The following CPSF3 variants were observed in gnomAD, a reference collection of about 807,000 sequenced individuals.
CPSF3 encodes the protein cleavage and polyadenylation specificity factor subunit 3.
Under a neutral mutation model 84.1 loss-of-function variants are expected in CPSF3, and 57 were observed. The observed-to-expected ratio is 0.68, with a 90% CI of 0.55 to 0.85. The LOEUF is 0.85. CPSF3 is among the 40% of genes least tolerant of loss of function. The pLI, the probability that CPSF3 is intolerant of heterozygous loss-of-function variation, is 0.00. For missense variants in CPSF3, 522 were observed against 838.8 expected (o/e 0.62, Z 4.66); for synonymous variants, 275 against 278.1 (o/e 0.99, Z 0.11).
At chr2:9,469,185 G>A (rs1408772894) in intron 16 of CPSF3, among the ~76,000 whole-genome samples, 1 of 152,178 alleles carries the variant, frequency 6.6e-6, no homozygotes. Context: ...GCTCAAGTCT[G>A]CCAGCGTTGA....
intron 15 of CPSF3, among the ~76,000 whole-genome samples, chr2:9,462,688 C>A (rs182377488): frequency 4.3e-4 from 65 of 152,274 alleles, no homozygotes; most frequent in African/African-American, 1.5e-3. Flanking sequence ...ATGCTCCGGT[C>A]CAAAATGAAA....
intron 12 of CPSF3, 44 bp from the exon 13 acceptor site, chr2:9,455,615 G>A (rs771324800): frequency 3.0e-6 from 4 of 1,334,530 alleles, no homozygotes; most frequent in Non-Finnish European, 4.3e-6. Flanking sequence ...TATGTGTTTT[G>A]TAGGACTAGT....
At chr2:9,453,840 G>A (rs1170632314) in intron 12 of CPSF3, among the ~76,000 whole-genome samples, 1 of 152,042 alleles carries the variant, frequency 6.6e-6, no homozygotes, top group Non-Finnish European at 1.5e-5. Context: ...GCAGTGAGCT[G>A]AGATAATGCC....
chr2:9,432,363 A>T, intron 4 of CPSF3, 148 bp from the exon 5 acceptor site: 1 of 561,690 alleles, frequency 1.8e-6, no homozygotes, highest in Middle Eastern at 5.2e-4. Context: ...AATACACAAA[A>T]TATCTGAGAA....
chr2:9,439,412 G>C (rs928536810), intron 7 of CPSF3, among the ~76,000 whole-genome samples: 2 of 148,918 alleles, frequency 1.3e-5, no homozygotes, highest in African/African-American at 4.9e-5. Flanking sequence ...GGCGGAACTT[G>C]CAGTGAGCGG....
Position 9,430,680 on chromosome 2 carries a change from A to T in CPSF3, c.213-72A>T, listed in dbSNP as rs1173586500. The T allele has an allele frequency of 8.4e-6, 12 of 1,434,974 alleles. No homozygotes were observed. In the East Asian group the frequency reaches 2.5e-4, roughly 30 times the overall value. The allele number at this position is 1,434,974 out of a possible 1,614,324, so 88.9% of individuals were successfully genotyped here. ...TATATAAAACTTGTTTTGTACAGTA[A>T]GCAACAGTTTCATTACATGGTATCT... On this transcript the variant is annotated intron_variant, in intron 3 of 17. Coordinates refer to ENST00000238112, the MANE Select transcript of CPSF3 (RefSeq NM_016207.4).
chr2:9,436,127 C>A, intron 6 of CPSF3, 84 bp from the exon 7 acceptor site: 1 of 1,153,748 alleles, frequency 8.7e-7, no homozygotes, highest in Non-Finnish European at 1.2e-6. Flanking sequence ...AATTGCTTAG[C>A]CCCTCAGTAT....
In CPSF3 at chr2:9,472,823, T is replaced by A. The variant is rs1410315692; in HGVS notation, c.1954-93T>A. 4.5e-6 allele frequency: 4 copies of A among 898,524 alleles called. No individual in the cohort carries two copies. In the Admixed American group the frequency reaches 8.0e-5, roughly 18 times the overall value. 55.7% of individuals were successfully genotyped at this position (898,524 alleles called of 1,614,324 possible). ...GCCACCACAGCTGGCTAATTTTTTATGAGATGATGGTTTTTTTAAAGAGTA... is the reference window on the plus strand; with the variant it reads ...GCCACCACAGCTGGCTAATTTTTTAAGAGATGATGGTTTTTTTAAAGAGTA... On this transcript the variant is annotated intron_variant, in intron 17 of 17. Transcript: ENST00000238112.
intron 7 of CPSF3, among the ~76,000 whole-genome samples, chr2:9,436,774 A>AAAAAAAAATAATAATAATAAT (rs139337028): frequency 2.1e-5 from 3 of 143,002 alleles, no homozygotes; most frequent in Non-Finnish European, 3.1e-5. Flanking sequence ...CCATCTCAAA[A>AAAAAAAAATAATAATAATAAT]AATAATAATA....
chr2:9,445,977 T>C (rs1258742112), intron 10 of CPSF3, among the ~76,000 whole-genome samples: 1 of 152,206 alleles, frequency 6.6e-6, no homozygotes, highest in African/African-American at 2.4e-5. Flanking sequence ...CGACAGCTGT[T>C]CTGCAGATGA....
chr2:9,466,760 AAT>A (rs997327207), intron 15 of CPSF3, among the ~76,000 whole-genome samples: 2 of 152,216 alleles, frequency 1.3e-5, no homozygotes, highest in Non-Finnish European at 2.9e-5. Flanking sequence ...GGAATCATAC[AAT>A]ATATAGCCTT....
At chr2:9,432,806 A>G in intron 5 of CPSF3, 118 bp downstream of exon 5, 1 of 691,120 alleles carries the variant, frequency 1.4e-6, no homozygotes, top group African/African-American at 1.8e-5. Flanking sequence ...ACACGGAAAC[A>G]TAAGATAAAA....
At chr2:9,463,968 C>T (rs1313105133) in intron 15 of CPSF3, among the ~76,000 whole-genome samples, 3 of 152,078 alleles carry the variant, frequency 2.0e-5, no homozygotes, top group Non-Finnish European at 4.4e-5. Context: ...TGAAACAATC[C>T]GATTCTTCCT....
intron 15 of CPSF3, among the ~76,000 whole-genome samples, chr2:9,461,577 C>T (rs559956722): frequency 3.3e-5 from 5 of 151,228 alleles, no homozygotes; most frequent in South Asian, 2.1e-4. Context: ...GGCTGAGGGG[C>T]GAAAATTGCT....
intron 15 of CPSF3, among the ~76,000 whole-genome samples, chr2:9,461,962 A>G (rs1438229824): frequency 6.6e-6 from 1 of 151,814 alleles, no homozygotes; most frequent in Admixed American, 6.6e-5. Flanking sequence ...GGGTTTCTCC[A>G]TGTTGGTCGG....
At chr2:9,462,828 CAT>C (rs1681776772) in intron 15 of CPSF3, among the ~76,000 whole-genome samples, 1 of 152,188 alleles carries the variant, frequency 6.6e-6, no homozygotes, top group Non-Finnish European at 1.5e-5. Flanking sequence ...AGCAGAGGTT[CAT>C]TGCAGACAGG....
intron 15 of CPSF3, among the ~76,000 whole-genome samples, chr2:9,466,545 G>A (rs1441720857): frequency 5.9e-5 from 9 of 152,186 alleles, no homozygotes; most frequent in Admixed American, 3.3e-4. Flanking sequence ...ACAGTGAGCC[G>A]TGATCATACC....
Position 9,423,680 on chromosome 2 carries a change from T to C in CPSF3, c.-94T>C. On this transcript the variant is annotated 5_prime_UTR_variant, in exon 1 of 18. Transcript: ENST00000238112. ...GAAGTTGTGCTCTTGGTGAATGGGG[T>C]TCTTCCTTTTTTATTTACCGGTGGC... 6.7e-7 allele frequency: 1 copy of C among 1,483,034 alleles called. No homozygotes were observed. The highest frequency in any genetic ancestry group is 9.2e-7 in the Non-Finnish European group (1 of 1,091,090). The allele number at this position is 1,483,034 out of a possible 1,614,324, so 91.9% of individuals were successfully genotyped here. A position where few individuals can be genotyped will look rare whatever the true frequency, so the allele number is the denominator to read the frequency against.
chr2:9,452,477 G>A (rs1681367489), intron 11 of CPSF3, among the ~76,000 whole-genome samples: 1 of 152,124 alleles, frequency 6.6e-6, no homozygotes, highest in African/African-American at 2.4e-5. Flanking sequence ...CAAAGCCGCT[G>A]CTGCTGCTTT....
Sources: gnomAD v4.1 joint callset for allele counts (sites outside exome capture counted in the v4.1 genomes callset) on GRCh38, gnomAD v4.1.1 for gene constraint, MANE v1.5 for transcripts, NCBI Gene and HGNC (gene_info 2026-07-23, HGNC 2026-07-21) for gene names.